IL1RAPL1: variants seen among roughly 807,000 people sequenced by gnomAD.
The protein encoded by IL1RAPL1 is interleukin 1 receptor accessory protein like 1, also known as interleukin-1 receptor accessory protein-like 1.
A neutral mutation model predicts 48.4 loss-of-function variants in IL1RAPL1; 3 were observed. That is an observed-to-expected ratio of 0.06 (90% CI 0.03 to 0.16). The LOEUF (loss-of-function observed/expected upper bound fraction) is 0.16. Ranked by LOEUF, IL1RAPL1 falls within the 10% of genes least tolerant of loss-of-function variation. The pLI, the probability that IL1RAPL1 is intolerant of heterozygous loss-of-function variation, is 1.00. For synonymous variants in IL1RAPL1, 185 were observed against 187.7 expected, an observed-to-expected ratio of 0.99 and a Z score of 0.12; for missense variants, 349 against 530.6, an observed-to-expected ratio of 0.66 and a Z score of 3.36.
At chrX:28,978,955 G>C (rs183265024) in intron 2 of IL1RAPL1, among the ~76,000 whole-genome samples, 1 of 111,933 alleles carries the variant, frequency 8.9e-6, no homozygotes, top group Admixed American at 9.5e-5. Flanking sequence ...TGTTGGAATG[G>C]GGTACTAGAT....
chrX:28,857,588 T>C (rs1027136602), intron 2 of IL1RAPL1, among the ~76,000 whole-genome samples: 2 of 111,381 alleles, frequency 1.8e-5, no homozygotes, highest in African/African-American at 6.5e-5. Flanking sequence ...GCTCTATACA[T>C]GCAAGAACAG....
intron 6 of IL1RAPL1, among the ~76,000 whole-genome samples, chrX:29,834,260 C>G (rs1275031646): frequency 9.0e-6 from 1 of 111,531 alleles, no homozygotes; most frequent in Non-Finnish European, 1.9e-5. Flanking sequence ...TTTTAAAGGG[C>G]ATTGCTAAAA....
At chrX:29,812,137 G>A (rs1930394501) in intron 6 of IL1RAPL1, among the ~76,000 whole-genome samples, 1 of 111,937 alleles carries the variant, frequency 8.9e-6, no homozygotes, top group Admixed American at 9.5e-5. Context: ...TATCTGGAGA[G>A]GACTTTATGA....
chrX:29,598,569 A>G (rs772507130), intron 5 of IL1RAPL1, among the ~76,000 whole-genome samples: 8 of 111,153 alleles, frequency 7.2e-5, no homozygotes, highest in Middle Eastern at 4.7e-3. Context: ...GTTTAAGTCC[A>G]TTTTTTATTT....
At chrX:29,729,827 G>T (rs1279432487) in intron 6 of IL1RAPL1, among the ~76,000 whole-genome samples, 1 of 111,538 alleles carries the variant, frequency 9.0e-6, no homozygotes, top group Admixed American at 9.6e-5. Flanking sequence ...TGTCACCTAT[G>T]ACCTGTCTCT....
intron 1 of IL1RAPL1, among the ~76,000 whole-genome samples, chrX:28,745,381 T>C (rs1366028792): frequency 9.0e-6 from 1 of 111,543 alleles, no homozygotes; most frequent in African/African-American, 3.3e-5. Context: ...GAATCAAAGA[T>C]GAATTATGGG....
Position 28,706,283 on chromosome X carries a change from G to A in IL1RAPL1, c.-24-83037G>A, listed in dbSNP as rs140223594. On this transcript the variant is annotated intron_variant, in intron 1 of 10. Coordinates refer to ENST00000378993, the MANE Select transcript of IL1RAPL1 (RefSeq NM_014271.4). ...CAGGTTTGTAGCATAGGAGCAATAG[G>A]CCATACCGTATAGCCTAAGTATGTA... Among the ~76,000 whole-genome samples the A allele has an allele frequency of 4.3e-3, 480 of 112,341 alleles. 17 individuals carry two copies. In the East Asian group the frequency reaches 0.093, roughly 22 times the overall value.
intron 5 of IL1RAPL1, among the ~76,000 whole-genome samples, chrX:29,527,216 G>A (rs183884419): frequency 2.8e-5 from 3 of 108,170 alleles, no homozygotes; most frequent in East Asian, 2.9e-4. Flanking sequence ...AGCCATACAC[G>A]AGAATAAACT....
At chrX:29,878,156 C>G (rs771652535) in intron 6 of IL1RAPL1, among the ~76,000 whole-genome samples, 2 of 111,939 alleles carry the variant, frequency 1.8e-5, no homozygotes, top group East Asian at 5.6e-4. Flanking sequence ...GTACTGAATG[C>G]TAGCTTATGG....
intron 1 of IL1RAPL1, among the ~76,000 whole-genome samples, chrX:28,658,459 C>T (rs1044698627): frequency 1.8e-5 from 2 of 111,428 alleles, no homozygotes; most frequent in African/African-American, 3.3e-5. Context: ...TCAAATGATC[C>T]GCCTGCCTTG....
At chrX:29,055,325 T>G (rs1373778716) in intron 2 of IL1RAPL1, among the ~76,000 whole-genome samples, 5 of 111,759 alleles carry the variant, frequency 4.5e-5, no homozygotes, top group Non-Finnish European at 7.5e-5. Flanking sequence ...GATAAGAGCC[T>G]ATAATTCTAT....
intron 2 of IL1RAPL1, among the ~76,000 whole-genome samples, chrX:29,253,169 C>T (rs1413633959): frequency 2.7e-5 from 3 of 109,913 alleles, no homozygotes; most frequent in South Asian, 3.9e-4. Flanking sequence ...AGAAAAATAT[C>T]GAAAAGTATT....
In IL1RAPL1 at chrX:29,470,285, A is replaced by T. The variant is rs1034998361; in HGVS notation, c.703+70977A>T. On this transcript the variant is annotated intron_variant, in intron 5 of 10. Coordinates refer to ENST00000378993, the MANE Select transcript of IL1RAPL1 (RefSeq NM_014271.4). ...CAAGATCTTTTATTGGCCAGATTCCATATAAGGCTTTGTGTTCTACATTTG... is the reference window on the plus strand; with the variant it reads ...CAAGATCTTTTATTGGCCAGATTCCTTATAAGGCTTTGTGTTCTACATTTG... Among the ~76,000 whole-genome samples, 157 of 112,089 alleles carry T rather than the reference A, an allele frequency of 1.4e-3. 1 individual carries two copies. Among genetic ancestry groups the T allele is most frequent in the African/African-American group, 4.9e-3 (151 of 30,862 alleles).
intron 2 of IL1RAPL1, among the ~76,000 whole-genome samples, chrX:29,055,483 G>C (rs918225273): frequency 9.0e-6 from 1 of 111,485 alleles, no homozygotes; most frequent in African/African-American, 3.3e-5. Flanking sequence ...ACTATCAATA[G>C]GACTTGAAAA....
chrX:29,538,092 T>A (rs1367300200), intron 5 of IL1RAPL1, among the ~76,000 whole-genome samples: 1 of 110,281 alleles, frequency 9.1e-6, no homozygotes, highest in Non-Finnish European at 1.9e-5. Flanking sequence ...TAGAGATAGC[T>A]GGGAAAATAG....
At chrX:29,570,805 A>G (rs1280993267) in intron 5 of IL1RAPL1, among the ~76,000 whole-genome samples, 3 of 112,642 alleles carry the variant, frequency 2.7e-5, no homozygotes, top group Non-Finnish European at 3.7e-5. Context: ...AAAGGTTGTG[A>G]TAAGAGTGTC....
chrX:28,768,339 T>C (rs1030888820), intron 1 of IL1RAPL1, among the ~76,000 whole-genome samples: 1 of 110,640 alleles, frequency 9.0e-6, no homozygotes, highest in African/African-American at 3.3e-5. Flanking sequence ...GAATTGGCTC[T>C]CTTTCCAAGC....
intron 2 of IL1RAPL1, among the ~76,000 whole-genome samples, chrX:28,944,857 GT>G (rs1313226038): frequency 9.1e-6 from 1 of 109,472 alleles, no homozygotes; most frequent in Non-Finnish European, 1.9e-5. Flanking sequence ...GTCATAGCAT[GT>G]CACTTTCACT....
intron 2 of IL1RAPL1, among the ~76,000 whole-genome samples, chrX:28,825,261 G>A (rs1936981140): frequency 9.0e-6 from 1 of 111,477 alleles, no homozygotes; most frequent in South Asian, 3.7e-4. Flanking sequence ...TCATGAAAAG[G>A]CATGGATGTT....
Sources: allele counts gnomAD v4.1 joint callset (sites outside exome capture counted in the v4.1 genomes callset), GRCh38; gene constraint gnomAD v4.1.1; transcripts MANE v1.5; gene names NCBI Gene and HGNC (gene_info 2026-07-23, HGNC 2026-07-21).